VPS28: variants seen among roughly 807,000 people sequenced by gnomAD.
VPS28 encodes vacuolar protein sorting-associated protein 28 homolog.
A neutral mutation model predicts 33.7 loss-of-function variants in VPS28; 29 were observed. The ratio of observed to expected loss-of-function variants is 0.86; its 90% confidence interval spans 0.64 to 1.17. The LOEUF (loss-of-function observed/expected upper bound fraction) is 1.17. VPS28 is among the 50% of genes most tolerant of loss of function. The pLI, the probability that VPS28 is intolerant of heterozygous loss-of-function variation, is 0.00. For synonymous variants in VPS28, 164 were observed against 116.7 expected (o/e 1.40, Z -2.61); for missense variants, 247 against 312.2 (o/e 0.79, Z 1.57).
intron 6 of VPS28, 32 bp from the exon 7 acceptor site, chr8:144,424,851 C>G: frequency 6.2e-7 from 1 of 1,613,422 alleles, no homozygotes; most frequent in Non-Finnish European, 8.5e-7. Context: ...CTGGGGCTCT[C>G]AGGACAGCAA....
In VPS28 at chr8:144,424,747, G is replaced by A. The variant is rs782419555; in HGVS notation, c.373C>T (p.Leu125Phe). 3 of 1,613,332 alleles carry A rather than the reference G, an allele frequency of 1.9e-6. No individual in the cohort carries two copies. The highest frequency in any genetic ancestry group is 2.5e-6 in the Non-Finnish European group (3 of 1,180,002). Residue 125 changes from leucine (L) to phenylalanine (F), a missense_variant, in exon 7 of 10, where the codon CTC becomes TTC. Physicochemically the swap from Leu to Phe is conservative, Grantham distance 22. Transcript: ENST00000292510. Reference protein sequence around the residue: ...PITIKDDKGNLNRCIADVVSL... With the variant: ...PITIKDDKGNFNRCIADVVSL... Reference sequence around the variant, plus strand: ...ACCACGTCTGCGATGCAGCGGTTGAGGTTGCCCTTGTCGTCCTTGATGGTG... The same window carrying A: ...ACCACGTCTGCGATGCAGCGGTTGAAGTTGCCCTTGTCGTCCTTGATGGTG...
Position 144,424,119 on chromosome 8 carries a change from A to T in VPS28, c.470T>A (p.Leu157Gln). 1 of 1,548,654 alleles carries T rather than the reference A, an allele frequency of 6.5e-7. No homozygotes were observed. The highest frequency in any genetic ancestry group is 8.7e-7 in the Non-Finnish European group (1 of 1,143,992). The change falls in exon 9 of 10, where the codon CTG (leucine) becomes CAG (glutamine). Residue 157 changes from leucine (L) to glutamine (Q), a missense_variant. Leu to Gln is a moderately radical substitution (Grantham distance 113). Around this residue, in one of 3 missense-constraint regions of VPS28, gnomAD observed 95 missense variants for 118.3 expected, o/e 0.80. Transcript: ENST00000292510. ...GTGCATGGTCTCCATCAGCTCTCGC[A>T]GGTCGGGCTGGATCTGAGACACACA... ...IRAMDEIQPD[L>Q]RELMETMHRM...
chr8:144,424,409 T>A, intron 7 of VPS28, 141 bp from the exon 8 acceptor site: 1 of 1,153,176 alleles, frequency 8.7e-7, no homozygotes, highest in Non-Finnish European at 1.2e-6. Flanking sequence ...GCAGGCCTCC[T>A]GGGTGAACGA....
At chr8:144,427,180 TC>T in intron 1 of VPS28, 2 of 391,502 alleles carry the variant, frequency 5.1e-6, no homozygotes, top group Admixed American at 8.4e-5. Flanking sequence ...ACGGTTGTAA[TC>T]CCAGCTACTC....
intron 2 of VPS28, 94 bp downstream of exon 2, chr8:144,426,815 A>C (rs945770631): frequency 2.1e-6 from 3 of 1,429,696 alleles, no homozygotes; most frequent in Non-Finnish European, 2.9e-6. Context: ...GAGCAGGGTC[A>C]GATACCTCCC....
chr8:144,424,320 C>G (rs1236765530), intron 7 of VPS28, 52 bp from the exon 8 acceptor site: 1 of 1,537,842 alleles, frequency 6.5e-7, no homozygotes, highest in African/African-American at 1.4e-5. Context: ...GCGGGAGGCC[C>G]CACGGCTCAC....
rs1015350742 is a variant in VPS28 at position 144,425,362 on chromosome 8, G to C, written c.195-311C>G. On this transcript the variant is annotated intron_variant, in intron 5 of 9. Coordinates refer to ENST00000292510, the MANE Select transcript of VPS28 (RefSeq NM_016208.4). Reference sequence around the variant, plus strand: ...TGGTCCTGTGCGGTGGCCTGTGACGGTCTTGTCACTTCATTGAACAAAGCC... The same window carrying C: ...TGGTCCTGTGCGGTGGCCTGTGACGCTCTTGTCACTTCATTGAACAAAGCC... 28 of 566,280 alleles carry C rather than the reference G, an allele frequency of 4.9e-5. No homozygotes were observed. The East Asian group carries it at 8.0e-4, about 16-fold the overall frequency. 35.1% of individuals were successfully genotyped at this position (566,280 alleles called of 1,614,324 possible).
intron 7 of VPS28, 135 bp from the exon 8 acceptor site, chr8:144,424,403 G>C (rs1822577346): frequency 8.2e-7 from 1 of 1,213,194 alleles, no homozygotes; most frequent in African/African-American, 1.5e-5. Flanking sequence ...AACCCTGCAG[G>C]CCTCCTGGGT....
rs1822521261 is a variant in VPS28 at position 144,423,707 on chromosome 8, G to GT, written c.*97dup. 6.8e-7 allele frequency: 1 copy of GT among 1,469,986 alleles called. No homozygotes were observed. The highest frequency in any genetic ancestry group is 1.4e-5 in the African/African-American group (1 of 71,720). 91.1% of individuals were successfully genotyped at this position (1,469,986 alleles called of 1,614,324 possible). On this transcript the variant is annotated 3_prime_UTR_variant, in exon 10 of 10. Coordinates refer to ENST00000292510, the MANE Select transcript of VPS28 (RefSeq NM_016208.4). The stretch of plus-strand genomic sequence containing the variant: ...GACACCAGACAGGCAGCTGCAGACA[G>GT]TGAGTTGTGTGGATGACCACGGCCT...
chr8:144,424,029 AG>A lies in VPS28; in HGVS notation c.548+11del. On this transcript the variant is annotated intron_variant, in intron 9 of 9. Transcript: ENST00000292510. ...CACTGCGGGGCTCTGCCTGGCTGGG[AG>A]GGACACCCACCACTGGCTGACCGTC... is the stretch of plus-strand genomic sequence containing the variant. The A allele has an allele frequency of 6.3e-7, 1 of 1,590,532 alleles. No individual in the cohort carries two copies. The highest frequency in any genetic ancestry group is 8.6e-7 in the Non-Finnish European group (1 of 1,164,630).
chr8:144,425,527 G>A, intron 5 of VPS28, 156 bp downstream of exon 5: 1 of 723,482 alleles, frequency 1.4e-6, no homozygotes, highest in Admixed American at 2.8e-5. Flanking sequence ...CAGCCCCCAG[G>A]ACTTCCCTGG....
chr8:144,424,052 C>G lies in VPS28; in HGVS notation c.537G>C (p.Thr179=). ...HLPPDFEGRQ[T]VSQWLQTLSG... ...GGAGGGACACCCACCACTGGCTGAC[C>G]GTCTGGCGGCCCTCAAAGTCGGGTG... The change falls in exon 9 of 10, where the codon ACG becomes ACC. Residue 179 remains threonine, a synonymous_variant. Coordinates refer to ENST00000292510, the MANE Select transcript of VPS28 (RefSeq NM_016208.4). The G allele has an allele frequency of 6.3e-7, 1 of 1,575,624 alleles. No individual in the cohort carries two copies. Among genetic ancestry groups the G allele is most frequent in the South Asian group, 1.2e-5 (1 of 85,920 alleles).
intron 7 of VPS28, 28 bp downstream of exon 7, chr8:144,424,690 A>C (rs1586664587): frequency 6.2e-7 from 1 of 1,606,190 alleles, no homozygotes; most frequent in East Asian, 2.2e-5. Context: ...GGCTCTCCTA[A>C]CCACGTGCCC....
rs374785775 is a variant in VPS28 at position 144,425,670 on chromosome 8, C to A, written c.194+13G>T. On this transcript the variant is annotated intron_variant, in intron 5 of 9. Coordinates refer to ENST00000292510, the MANE Select transcript of VPS28 (RefSeq NM_016208.4). ...CAGGGCAGGAACAGACCTCCCAGGA[C>A]GTGGGCTCTTACTCGCTGGGGGAGA... 1 of 1,613,426 alleles carries A rather than the reference C, an allele frequency of 6.2e-7. No homozygotes were observed. Among genetic ancestry groups the A allele is most frequent in the East Asian group, 2.2e-5 (1 of 44,876 alleles).
chr8:144,425,999 T>C (rs782541471), intron 4 of VPS28, 27 bp downstream of exon 4: 19 of 1,493,558 alleles, frequency 1.3e-5, no homozygotes, highest in East Asian at 2.5e-5. Flanking sequence ...ATGGGTGTGT[T>C]GGGACAGCCT....
chr8:144,425,474 C>T (rs530220417), intron 5 of VPS28: 9 of 599,118 alleles, frequency 1.5e-5, no homozygotes, highest in South Asian at 1.4e-4. Flanking sequence ...GGGAGTGGGC[C>T]GGATGACACC....
intron 4 of VPS28, 124 bp from the exon 5 acceptor site, chr8:144,425,896 C>T (rs1009792282): frequency 2.0e-6 from 3 of 1,517,206 alleles, no homozygotes; most frequent in Non-Finnish European, 2.7e-6. Context: ...TCCTGGAGTG[C>T]CTCAGGAACA....
Position 144,426,108 on chromosome 8 carries a change from G to A in VPS28, c.67-45C>T, listed in dbSNP as rs192788085. On this transcript the variant is annotated intron_variant, in intron 3 of 9. Transcript: ENST00000292510. ...CTGTGGGCCAGTGCCAACAGGGGCT[G>A]CAGGACCCTGGTGAGGCCACACAGG... 1.9e-3 allele frequency: 2,987 copies of A among 1,566,034 alleles called. 119 individuals are homozygous for A. In the Admixed American group the frequency reaches 0.052, roughly 27 times the overall value.
At chr8:144,425,150 AC>A in intron 5 of VPS28, 99 bp from the exon 6 acceptor site, 4 of 1,085,774 alleles carry the variant, frequency 3.7e-6, no homozygotes, top group Non-Finnish European at 4.1e-6. Flanking sequence ...TCCAGAGAGG[AC>A]CAGGCGACAG....
Sources: allele counts gnomAD v4.1 joint callset, GRCh38; gene constraint gnomAD v4.1.1; regional missense constraint gnomAD v4.1.1; transcripts MANE v1.5; gene names NCBI Gene and HGNC (gene_info 2026-07-23, HGNC 2026-07-21).